The following NRXN1 variants were observed in gnomAD, a reference collection of about 807,000 sequenced individuals.
NRXN1 encodes the protein neurexin-1.
In NRXN1, 39 loss-of-function variants were observed where a neutral mutation model predicts 150.9. That is an observed-to-expected ratio of 0.26 (90% confidence interval 0.20 to 0.34). NRXN1 has a LOEUF of 0.34. Among genes scored for constraint, NRXN1 ranks in the 10% least tolerant of loss-of-function variants. The pLI, the probability that NRXN1 is intolerant of heterozygous loss-of-function variation, is 1.00. For synonymous variants in NRXN1, 924 were observed against 757.0 expected (o/e 1.22, Z -3.62); for missense variants, 1,815 against 1,949.9 (o/e 0.93, Z 1.30).
Position 50,442,429 on chromosome 2 carries a change from T to C in NRXN1, c.3364+23013A>G, listed in dbSNP as rs2086037859. 2.6e-5 allele frequency among the ~76,000 whole-genome samples: 4 copies of C among 152,156 alleles called. No homozygotes were observed. In the South Asian group the frequency reaches 8.3e-4, roughly 31 times the overall value. Reference sequence around the variant, plus strand: ...AATTAAGTGCACACCTATACACCTATTGCTGAAGTTTCAAGTTATTCAGAT... The same window carrying C: ...AATTAAGTGCACACCTATACACCTACTGCTGAAGTTTCAAGTTATTCAGAT... On this transcript the variant is annotated intron_variant, in intron 17 of 22. Coordinates refer to ENST00000401669, the MANE Select transcript of NRXN1 (RefSeq NM_001330078.2).
intron 18 of NRXN1, among the ~76,000 whole-genome samples, chr2:50,224,679 G>A (rs1284830081): frequency 7.3e-6 from 1 of 137,652 alleles, no homozygotes; most frequent in Non-Finnish European, 1.5e-5. Context: ...ATTAAAGAGA[G>A]AGAGAGAGGG....
intron 21 of NRXN1, among the ~76,000 whole-genome samples, chr2:49,993,462 T>C (rs940255169): frequency 2.6e-5 from 4 of 152,216 alleles, no homozygotes; most frequent in African/African-American, 9.6e-5. Context: ...AAATACTCTG[T>C]ATGACACTAT....
intron 17 of NRXN1, among the ~76,000 whole-genome samples, chr2:50,276,937 G>GC (rs934244576): frequency 4.6e-5 from 7 of 152,008 alleles, no homozygotes; most frequent in African/African-American, 1.2e-4. Context: ...CTTACTTCTA[G>GC]CCCCCCTGCT....
intron 21 of NRXN1, chr2:49,966,579 G>A (rs1351848292): frequency 6.6e-6 from 1 of 150,660 alleles, no homozygotes; most frequent in African/African-American, 2.4e-5. Flanking sequence ...TTAGACCTGC[G>A]AACTCCTCAC....
intron 2 of NRXN1, among the ~76,000 whole-genome samples, chr2:50,951,929 C>T (rs926468989): frequency 1.4e-5 from 2 of 140,698 alleles, no homozygotes; most frequent in Non-Finnish European, 3.1e-5. Context: ...AGTAGCAAAA[C>T]TGTACATGAA....
intron 18 of NRXN1, among the ~76,000 whole-genome samples, chr2:50,226,322 A>G (rs1319500313): frequency 6.6e-6 from 1 of 152,012 alleles, no homozygotes; most frequent in Non-Finnish European, 1.5e-5. Flanking sequence ...GTGCTTTTAC[A>G]GTGTGAGGAT....
intron 5 of NRXN1, among the ~76,000 whole-genome samples, chr2:50,680,756 CAAGTGAAAAAAA>C (rs1278370641): frequency 6.9e-6 from 1 of 145,120 alleles, no homozygotes; most frequent in Non-Finnish European, 1.5e-5. Context: ...AAGCTAAGTT[CAAGTGAAAAAAA>C]AAAAAGCTAA....
intron 17 of NRXN1, among the ~76,000 whole-genome samples, chr2:50,456,122 C>T (rs764662990): frequency 6.6e-6 from 1 of 152,170 alleles, no homozygotes; most frequent in African/African-American, 2.4e-5. Context: ...TTCACACCTA[C>T]GCGAACAGTT....
chr2:50,984,671 T>C (rs1224220767), intron 2 of NRXN1, among the ~76,000 whole-genome samples: 2 of 152,116 alleles, frequency 1.3e-5, no homozygotes, highest in African/African-American at 4.8e-5. Context: ...ACAGTCTGTA[T>C]TAAAAGTGAA....
intron 2 of NRXN1, among the ~76,000 whole-genome samples, chr2:51,011,529 G>A (rs1667859406): frequency 6.6e-6 from 1 of 151,994 alleles, no homozygotes; most frequent in Non-Finnish European, 1.5e-5. Flanking sequence ...TTACAGATGG[G>A]TTTTAAATGA....
In NRXN1 at chr2:50,071,720, T is replaced by G. The variant is rs1008019554; in HGVS notation, c.3719-16676A>C. On this transcript the variant is annotated intron_variant, in intron 19 of 22. Coordinates refer to ENST00000401669, the MANE Select transcript of NRXN1 (RefSeq NM_001330078.2). ...CTAGCAAACTAATACAGAGATAATT[T>G]AAACGTAGTTTGAAATAATATATTG... Among the ~76,000 whole-genome samples the G allele has an allele frequency of 2.6e-5, 4 of 152,344 alleles. No individual in the cohort carries two copies. The East Asian group carries it at 7.7e-4, about 29-fold the overall frequency.
At chr2:50,580,930 C>A (rs1672166931) in intron 8 of NRXN1, among the ~76,000 whole-genome samples, 1 of 152,040 alleles carries the variant, frequency 6.6e-6, no homozygotes, top group Non-Finnish European at 1.5e-5. Flanking sequence ...TAGAATATGG[C>A]CATACACATG....
At chr2:50,825,780 G>T (rs940759833) in intron 5 of NRXN1, among the ~76,000 whole-genome samples, 1 of 152,182 alleles carries the variant, frequency 6.6e-6, no homozygotes, top group Admixed American at 6.5e-5. Context: ...ATTGGAAGTC[G>T]GTCGGGAGGC....
At chr2:50,278,996 T>TC in intron 17 of NRXN1, among the ~76,000 whole-genome samples, 2 of 152,202 alleles carry the variant, frequency 1.3e-5, no homozygotes, top group Non-Finnish European at 2.9e-5. Flanking sequence ...CATTTCCTCT[T>TC]CCCACCAGGC....
chr2:50,320,125 CA>C (rs1268654379), intron 17 of NRXN1, among the ~76,000 whole-genome samples: 1 of 118,862 alleles, frequency 8.4e-6, no homozygotes, highest in Admixed American at 9.5e-5. Flanking sequence ...GACTGAGAAG[CA>C]AAAAGTTTCC....
chr2:50,372,238 T>A (rs1020228597), intron 17 of NRXN1, among the ~76,000 whole-genome samples: 9 of 152,150 alleles, frequency 5.9e-5, no homozygotes, highest in African/African-American at 2.2e-4. Flanking sequence ...TTAAAAACAA[T>A]GTTCTACTTG....
intron 15 of NRXN1, among the ~76,000 whole-genome samples, chr2:50,489,842 G>A (rs1573218600): frequency 6.6e-6 from 1 of 152,042 alleles, no homozygotes; most frequent in Non-Finnish European, 1.5e-5. Context: ...GGAAGCAGAG[G>A]GAAGAACTCC....
At position 50,455,349 on chromosome 2, in the gene NRXN1, G is replaced by A. The variant is rs193163821; in HGVS notation, c.3364+10093C>T. Among the ~76,000 whole-genome samples, 371 of 152,254 alleles carry A rather than the reference G, an allele frequency of 2.4e-3. 4 individuals carry two copies. In the South Asian group the frequency reaches 0.031, roughly 13 times the overall value. On this transcript the variant is annotated intron_variant, in intron 17 of 22. Transcript: ENST00000401669. ...CATAGCTTTCAGGGACTCAGATACC[G>A]TAGGCACTGAATGTCAAAAGAGAGG...
chr2:50,262,086 C>T (rs1481184209), intron 17 of NRXN1, among the ~76,000 whole-genome samples: 2 of 151,858 alleles, frequency 1.3e-5, no homozygotes, highest in East Asian at 3.9e-4. Context: ...TTAAATTTAT[C>T]AGTGAGGCAA....
Sources: allele counts gnomAD v4.1 joint callset (sites outside exome capture counted in the v4.1 genomes callset), GRCh38; gene constraint gnomAD v4.1.1; transcripts MANE v1.5; gene names NCBI Gene and HGNC (gene_info 2026-07-23, HGNC 2026-07-21).